ARHGEF26: variants seen among roughly 807,000 people sequenced by gnomAD.
ARHGEF26 encodes the protein Rho guanine nucleotide exchange factor (GEF) 26.
Under a neutral mutation model 89.4 loss-of-function variants are expected in ARHGEF26, and 59 were observed. That is an observed-to-expected ratio of 0.66 (90% CI 0.54 to 0.82). The LOEUF is 0.82. Ranked by LOEUF, ARHGEF26 falls within the 40% of genes least tolerant of loss-of-function variation. ARHGEF26 has a pLI of 0.00. For missense variants in ARHGEF26, 1,234 were observed against 1,085.6 expected, an observed-to-expected ratio of 1.14 and a Z score of -1.92; for synonymous variants, 500 against 428.4, an observed-to-expected ratio of 1.17 and a Z score of -2.06.
intron 12 of ARHGEF26, among the ~76,000 whole-genome samples, chr3:154,247,368 C>T (rs1467498525): frequency 1.3e-5 from 2 of 152,184 alleles, no homozygotes; most frequent in African/African-American, 2.4e-5. Flanking sequence ...CCATCACCTG[C>T]CAGTTCTTCC....
At chr3:154,210,222 C>G (rs958360357) in intron 9 of ARHGEF26, among the ~76,000 whole-genome samples, 1 of 152,086 alleles carries the variant, frequency 6.6e-6, no homozygotes, top group Non-Finnish European at 1.5e-5. Context: ...CCCCAGGAGC[C>G]TGCTTGGTGT....
At chr3:154,222,501 C>T (rs2108255547) in intron 10 of ARHGEF26, among the ~76,000 whole-genome samples, 1 of 152,114 alleles carries the variant, frequency 6.6e-6, no homozygotes, top group Non-Finnish European at 1.5e-5. Flanking sequence ...TTTTCTGAAC[C>T]CTAAAGTGAA....
At chr3:154,231,970 A>G (rs1716854266) in intron 11 of ARHGEF26, among the ~76,000 whole-genome samples, 1 of 151,942 alleles carries the variant, frequency 6.6e-6, no homozygotes, top group African/African-American at 2.4e-5. Flanking sequence ...AATGTGAAAT[A>G]AATAGTATAT....
In ARHGEF26 at chr3:154,122,104, CAGTCCT is replaced by C. The variant is rs1158541964; in HGVS notation, c.114_119del (p.Gln38_Tyr40delinsHis). ...TCTGGGCCGGAGCAAGCCGAGGCCC[CAGTCCT>C]ACCAGAGCCCCAACGGGTTACTAAT... On this transcript the variant is annotated inframe_deletion, in exon 2 of 15. Coordinates refer to ENST00000465093, the MANE Select transcript of ARHGEF26 (RefSeq NM_015595.4). 1 of 1,610,530 alleles carries C rather than the reference CAGTCCT, an allele frequency of 6.2e-7. No homozygotes were observed. Among genetic ancestry groups the C allele is most frequent in the Non-Finnish European group, 8.5e-7 (1 of 1,178,316 alleles).
chr3:154,127,535 A>ATCG (rs397789784), intron 3 of ARHGEF26, among the ~76,000 whole-genome samples: 1 of 150,626 alleles, frequency 6.6e-6, no homozygotes, highest in Non-Finnish European at 1.5e-5. Context: ...GGCTGTCATC[A>ATCG]ATGATAACAG....
At chr3:154,145,988 A>G (rs1719682729) in intron 4 of ARHGEF26, among the ~76,000 whole-genome samples, 2 of 152,052 alleles carry the variant, frequency 1.3e-5, no homozygotes, top group African/African-American at 4.8e-5. Flanking sequence ...CTCACGGTCT[A>G]AAGCTTGTCT....
rs532772070 is a variant in ARHGEF26 at position 154,214,951 on chromosome 3, A to C, written c.1846-2918A>C. 1.6e-4 allele frequency among the ~76,000 whole-genome samples: 25 copies of C among 152,360 alleles called. No homozygotes were observed. In the South Asian group the frequency reaches 5.2e-3, roughly 32 times the overall value. ...GGTTTGCCCTCTAAATCTAAAAACC[A>C]AGTGAGCAATTAGAAATTGTTTAAG... On this transcript the variant is annotated intron_variant, in intron 9 of 14. Coordinates refer to ENST00000465093, the MANE Select transcript of ARHGEF26 (RefSeq NM_015595.4).
chr3:154,250,624 G>T (rs1181028095), intron 12 of ARHGEF26, among the ~76,000 whole-genome samples: 2 of 152,202 alleles, frequency 1.3e-5, no homozygotes, highest in African/African-American at 2.4e-5. Flanking sequence ...GACGGTGTCT[G>T]TGTACAGGAA....
chr3:154,203,850 C>CTT (rs78946220), intron 9 of ARHGEF26, among the ~76,000 whole-genome samples: 2 of 141,542 alleles, frequency 1.4e-5, no homozygotes, highest in African/African-American at 2.6e-5. Flanking sequence ...GATAATCTCT[C>CTT]TTTTTTTTTT....
At chr3:154,134,828 A>G (rs765064224) in intron 4 of ARHGEF26, among the ~76,000 whole-genome samples, 2 of 151,664 alleles carry the variant, frequency 1.3e-5, no homozygotes, top group Non-Finnish European at 2.9e-5. Flanking sequence ...TTCTGCATCT[A>G]TTGAGATAAT....
intron 9 of ARHGEF26, among the ~76,000 whole-genome samples, chr3:154,211,421 A>G (rs1193783388): frequency 6.6e-6 from 1 of 150,594 alleles, no homozygotes; most frequent in Non-Finnish European, 1.5e-5. Context: ...CTCTAACAGG[A>G]CAGCATTGAG....
Position 154,256,670 on chromosome 3 carries a change from A to AT in ARHGEF26, c.*1199dup. 2 of 1,215,074 alleles carry AT rather than the reference A, an allele frequency of 1.6e-6. No individual in the cohort carries two copies. The highest frequency in any genetic ancestry group is 3.1e-5 in the African/African-American group (2 of 63,960). 75.3% of individuals were successfully genotyped at this position (1,215,074 alleles called of 1,614,324 possible). ...TGTTCCAACTCGTTTCCAAATAGAA[A>AT]TTAGCTGGAACACACTACAGTAATC... On this transcript the variant is annotated 3_prime_UTR_variant, in exon 15 of 15. Transcript: ENST00000465093.
intron 4 of ARHGEF26, among the ~76,000 whole-genome samples, chr3:154,145,148 G>A (rs1436401129): frequency 6.6e-6 from 1 of 152,022 alleles, no homozygotes; most frequent in African/African-American, 2.4e-5. Flanking sequence ...TATTGGGTCT[G>A]GTTACAGAGG....
At position 154,256,205 on chromosome 3, in the gene ARHGEF26, T is replaced by C. The variant is rs1398072162; in HGVS notation, c.*732T>C. On this transcript the variant is annotated 3_prime_UTR_variant, in exon 15 of 15. Transcript: ENST00000465093. ...AACGTAGAATTTAGATGGGTTCATATATGTGAGAAAAACCTGAATATAGGA... is the reference window on the plus strand; with the variant it reads ...AACGTAGAATTTAGATGGGTTCATACATGTGAGAAAAACCTGAATATAGGA... The C allele has an allele frequency of 6.1e-6, 6 of 985,818 alleles. No individual in the cohort carries two copies. The East Asian group carries it at 6.8e-4, about 112-fold the overall frequency. 61.1% of individuals were successfully genotyped at this position (985,818 alleles called of 1,614,324 possible). A position where few individuals can be genotyped will look rare whatever the true frequency, so the allele number is the denominator to read the frequency against.
At chr3:154,179,380 G>C (rs1306391060) in intron 6 of ARHGEF26, among the ~76,000 whole-genome samples, 1 of 152,124 alleles carries the variant, frequency 6.6e-6, no homozygotes, top group Non-Finnish European at 1.5e-5. Context: ...ATTGCCTAAT[G>C]AGAAGCTTTC....
At chr3:154,229,230 TTGTTA>T (rs1315434132) in intron 11 of ARHGEF26, among the ~76,000 whole-genome samples, 4 of 152,104 alleles carry the variant, frequency 2.6e-5, no homozygotes, top group Non-Finnish European at 5.9e-5. Flanking sequence ...AGACGGGACC[TTGTTA>T]TGTTGCCCAG....
intron 9 of ARHGEF26, among the ~76,000 whole-genome samples, chr3:154,199,412 T>G (rs1714492043): frequency 6.6e-6 from 1 of 152,180 alleles, no homozygotes; most frequent in Non-Finnish European, 1.5e-5. Context: ...TTTTCATGGC[T>G]GCATGATACT....
chr3:154,126,434 C>T lies in ARHGEF26; in HGVS notation c.1123+1985C>T, dbSNP rs190929504. On this transcript the variant is annotated intron_variant, in intron 3 of 14. Coordinates refer to ENST00000465093, the MANE Select transcript of ARHGEF26 (RefSeq NM_015595.4). ...ACCTCCCTCTCTCTGCCCCCATATCCGGTCTTTCACCAGTCTGTTCTATGT... is the reference window on the plus strand; with the variant it reads ...ACCTCCCTCTCTCTGCCCCCATATCTGGTCTTTCACCAGTCTGTTCTATGT... Among the ~76,000 whole-genome samples the T allele has an allele frequency of 6.6e-5, 10 of 152,276 alleles. 2 individuals carry two copies. The highest frequency in any genetic ancestry group is 1.9e-4 in the East Asian group (1 of 5,178).
intron 4 of ARHGEF26, among the ~76,000 whole-genome samples, chr3:154,147,532 A>T (rs1207119101): frequency 6.6e-6 from 1 of 152,248 alleles, no homozygotes; most frequent in Non-Finnish European, 1.5e-5. Context: ...ACGAATGGAG[A>T]CAATAGAAAC....
Sources: allele counts gnomAD v4.1 joint callset (sites outside exome capture counted in the v4.1 genomes callset), GRCh38; gene constraint gnomAD v4.1.1; transcripts MANE v1.5; gene names NCBI Gene and HGNC (gene_info 2026-07-23, HGNC 2026-07-21).